Variants in LRRC20 observed in about 807,000 individuals in gnomAD.
LRRC20 encodes the protein leucine-rich repeat-containing protein 20.
In LRRC20, 11 loss-of-function variants were observed where a neutral mutation model predicts 14.4. That is an observed-to-expected ratio of 0.77 (90% confidence interval 0.48 to 1.27). LRRC20 has a LOEUF of 1.27. Among genes scored for constraint, LRRC20 ranks in the 50% most tolerant of loss-of-function variants. The pLI is 0.00. For synonymous variants in LRRC20, 121 were observed against 107.3 expected (o/e 1.13, Z -0.79); for missense variants, 219 against 251.2 (o/e 0.87, Z 0.87).
At chr10:70,330,764 G>A (rs1239574943) in intron 3 of LRRC20, among the ~76,000 whole-genome samples, 4 of 152,158 alleles carry the variant, frequency 2.6e-5, no homozygotes, top group African/African-American at 9.7e-5. Context: ...GGCCCAGCAG[G>A]GTCTCTGAGT....
At chr10:70,314,202 G>A (rs946371269) in intron 4 of LRRC20, among the ~76,000 whole-genome samples, 18 of 151,930 alleles carry the variant, frequency 1.2e-4, no homozygotes, top group African/African-American at 4.4e-4. Flanking sequence ...GATTTGGGTG[G>A]GGACACAGCC....
chr10:70,361,373 C>G (rs919518595), intron 2 of LRRC20, among the ~76,000 whole-genome samples: 1 of 152,130 alleles, frequency 6.6e-6, no homozygotes, highest in African/African-American at 2.4e-5. Context: ...CCTAGTGTGG[C>G]GAGAAGGCAG....
intron 2 of LRRC20, among the ~76,000 whole-genome samples, chr10:70,372,201 C>A (rs1157536343): frequency 6.6e-6 from 1 of 152,192 alleles, no homozygotes; most frequent in Non-Finnish European, 1.5e-5. Context: ...TCCACAGTGG[C>A]AGGTGGTCCT....
At chr10:70,371,388 T>A (rs2137154575) in intron 2 of LRRC20, among the ~76,000 whole-genome samples, 1 of 152,212 alleles carries the variant, frequency 6.6e-6, no homozygotes, top group South Asian at 2.1e-4. Flanking sequence ...TGCTGTGTAC[T>A]AGGTGCCTGG....
chr10:70,328,066 G>A (rs1216417165), intron 3 of LRRC20, among the ~76,000 whole-genome samples: 1 of 152,184 alleles, frequency 6.6e-6, no homozygotes, highest in Non-Finnish European at 1.5e-5. Context: ...CTCATCAGGT[G>A]TCCTTGGGCC....
At chr10:70,346,641 C>T (rs959563320) in intron 2 of LRRC20, among the ~76,000 whole-genome samples, 4 of 152,010 alleles carry the variant, frequency 2.6e-5, no homozygotes, top group Non-Finnish European at 5.9e-5. Context: ...ACCATATGCA[C>T]ATTGTAATTC....
Position 70,301,240 on chromosome 10 carries a change from G to T in LRRC20, c.*114C>A. ...AGCTGCACCCCACCCACCACGTGCTGCTCGGCCCACCCGCCCCCAGCCCCC... is the reference window on the plus strand; with the variant it reads ...AGCTGCACCCCACCCACCACGTGCTTCTCGGCCCACCCGCCCCCAGCCCCC... On this transcript the variant is annotated 3_prime_UTR_variant, in exon 5 of 5. Coordinates refer to ENST00000446961, the MANE Select transcript of LRRC20 (RefSeq NM_001278212.2). The T allele has an allele frequency of 6.8e-7, 1 of 1,472,056 alleles. No homozygotes were observed. The highest frequency in any genetic ancestry group is 8.9e-7 in the Non-Finnish European group (1 of 1,117,582). 91.2% of individuals were successfully genotyped at this position (1,472,056 alleles called of 1,614,324 possible).
intron 2 of LRRC20, among the ~76,000 whole-genome samples, chr10:70,348,096 A>G (rs1589100095): frequency 6.6e-6 from 1 of 151,848 alleles, no homozygotes. Flanking sequence ...CCATTATGTG[A>G]CCCCTCCAGT....
intron 2 of LRRC20, among the ~76,000 whole-genome samples, chr10:70,360,840 A>G (rs1177506587): frequency 1.3e-5 from 2 of 152,112 alleles, no homozygotes; most frequent in African/African-American, 4.8e-5. Flanking sequence ...CAGGGCAGAG[A>G]GCTCCCAGAG....
At chr10:70,306,315 G>A (rs1342393775) in intron 4 of LRRC20, among the ~76,000 whole-genome samples, 1 of 152,118 alleles carries the variant, frequency 6.6e-6, no homozygotes, top group Non-Finnish European at 1.5e-5. Flanking sequence ...GTTCAGTGTG[G>A]TCAGGTGCCC....
At chr10:70,329,721 T>A (rs1326442420) in intron 3 of LRRC20, among the ~76,000 whole-genome samples, 1 of 152,036 alleles carries the variant, frequency 6.6e-6, no homozygotes, top group Non-Finnish European at 1.5e-5. Context: ...GCCGCCACTA[T>A]GCCCAGCTAA....
chr10:70,328,155 T>A (rs1264579451), intron 3 of LRRC20, among the ~76,000 whole-genome samples: 2 of 152,178 alleles, frequency 1.3e-5, no homozygotes, highest in South Asian at 4.1e-4. Flanking sequence ...CTAAGAGGGC[T>A]GTGAAAGGCA....
At chr10:70,355,229 G>A (rs1843475510) in intron 2 of LRRC20, among the ~76,000 whole-genome samples, 1 of 152,206 alleles carries the variant, frequency 6.6e-6, no homozygotes, top group Admixed American at 6.5e-5. Flanking sequence ...CTTTAACAAA[G>A]CTGTTTGTTG....
chr10:70,351,471 G>A (rs1843307926), intron 2 of LRRC20, among the ~76,000 whole-genome samples: 1 of 152,164 alleles, frequency 6.6e-6, no homozygotes, highest in South Asian at 2.1e-4. Context: ...TTGTTAGAGA[G>A]TTCTTTAACG....
At position 70,301,308 on chromosome 10, in the gene LRRC20, G is replaced by C; in HGVS notation, c.*46C>G. ...GGCCTCCCTCCCTTCCAGGGTTCCAGGCCTGTGGCCTCTGCCCCTTGCTGG... is the reference window on the plus strand; with the variant it reads ...GGCCTCCCTCCCTTCCAGGGTTCCACGCCTGTGGCCTCTGCCCCTTGCTGG... On this transcript the variant is annotated 3_prime_UTR_variant, in exon 5 of 5. Coordinates refer to ENST00000446961, the MANE Select transcript of LRRC20 (RefSeq NM_001278212.2). The C allele has an allele frequency of 6.3e-7, 1 of 1,584,724 alleles. No homozygotes were observed. The highest frequency in any genetic ancestry group is 8.6e-7 in the Non-Finnish European group (1 of 1,165,648).
intron 3 of LRRC20, among the ~76,000 whole-genome samples, chr10:70,334,346 G>A (rs1353472011): frequency 6.6e-6 from 1 of 152,066 alleles, no homozygotes. Flanking sequence ...AACCCAGTGG[G>A]CTGAAGTGAA....
chr10:70,326,556 G>A (rs151063332), intron 3 of LRRC20, among the ~76,000 whole-genome samples: 8 of 152,266 alleles, frequency 5.3e-5, no homozygotes, highest in Non-Finnish European at 8.8e-5. Flanking sequence ...CAGGGACGTC[G>A]GAACCCAAGG....
intron 2 of LRRC20, among the ~76,000 whole-genome samples, chr10:70,344,728 G>A (rs1029679203): frequency 2.0e-5 from 3 of 151,948 alleles, no homozygotes; most frequent in Admixed American, 6.6e-5. Context: ...CATCAAACCC[G>A]GCTAATTTTT....
chr10:70,340,642 AC>A lies in LRRC20; in HGVS notation c.142del (p.Val48SerfsTer23), dbSNP rs753091511. On this transcript the variant is annotated frameshift_variant, in exon 3 of 5. Transcript: ENST00000446961. LOFTEE classifies it high-confidence loss of function. Reference protein sequence around the residue: ...PIGIYKVLRNVSGQIHLITLA... With the variant: ...PIGIYKVLRNXSGQIHLITLA... ...GGTGATGAGGTGGATCTGGCCAGAG[AC>A]ATTCCGCAGGACCTTGTAGATGCCA... 5.6e-6 allele frequency: 9 copies of A among 1,614,078 alleles called. No individual in the cohort carries two copies. The East Asian group carries it at 2.0e-4, about 36-fold the overall frequency.
Sources: allele counts gnomAD v4.1 joint callset (sites outside exome capture counted in the v4.1 genomes callset), GRCh38; gene constraint gnomAD v4.1.1; transcripts MANE v1.5; gene names NCBI Gene and HGNC (gene_info 2026-07-23, HGNC 2026-07-21).